Variants in TRAK1 observed in about 807,000 individuals in gnomAD.
The protein encoded by TRAK1 is trafficking kinesin protein 1, also known as trafficking kinesin-binding protein 1.
Under a neutral mutation model 92.1 loss-of-function variants are expected in TRAK1, and 33 were observed. That is an observed-to-expected ratio of 0.36 (90% CI 0.27 to 0.48). The LOEUF is 0.48. Among genes scored for constraint, TRAK1 ranks in the 20% least tolerant of loss-of-function variants. The pLI, the probability that TRAK1 is intolerant of heterozygous loss-of-function variation, is 0.99. For missense variants in TRAK1, 1,123 were observed against 1,257.9 expected (o/e 0.89, Z 1.62); for synonymous variants, 521 against 517.3 (o/e 1.01, Z -0.10).
chr3:42,102,470 T>C (rs1706914536), intron 1 of TRAK1, among the ~76,000 whole-genome samples: 1 of 152,202 alleles, frequency 6.6e-6, no homozygotes, highest in Admixed American at 6.5e-5. Context: ...GTGTTAAGGG[T>C]ATGGTACTGA....
At chr3:42,092,792 C>T (rs1705306578) in intron 1 of TRAK1, among the ~76,000 whole-genome samples, 1 of 135,754 alleles carries the variant, frequency 7.4e-6, no homozygotes, top group Admixed American at 7.5e-5. Flanking sequence ...CACTGTATTG[C>T]CCAGGCTGGT....
At chr3:42,213,041 A>G (rs1415921474) in intron 14 of TRAK1, among the ~76,000 whole-genome samples, 1 of 149,444 alleles carries the variant, frequency 6.7e-6, no homozygotes, top group African/African-American at 2.5e-5. Context: ...ACCATGTCCT[A>G]ATTGGAGCTG....
intron 14 of TRAK1, chr3:42,211,260 G>A (rs1199467475): frequency 1.0e-6 from 1 of 985,370 alleles, no homozygotes; most frequent in East Asian, 1.1e-4. Context: ...GACAGCTGTG[G>A]TCAAGGGATT....
chr3:42,191,012 T>C (rs1238803871), intron 6 of TRAK1, among the ~76,000 whole-genome samples: 1 of 152,148 alleles, frequency 6.6e-6, no homozygotes, highest in Non-Finnish European at 1.5e-5. Flanking sequence ...AGTCCTGGGG[T>C]GGCTCTTGTG....
At chr3:42,137,478 A>G (rs773519180) in intron 2 of TRAK1, among the ~76,000 whole-genome samples, 17 of 152,184 alleles carry the variant, frequency 1.1e-4, no homozygotes, top group Non-Finnish European at 2.2e-4. Flanking sequence ...GAATGTTTGG[A>G]AAATAACAAA....
At chr3:42,210,860 G>C in intron 14 of TRAK1, 3 of 977,206 alleles carry the variant, frequency 3.1e-6, no homozygotes, top group Non-Finnish European at 3.6e-6. Context: ...CTGTCCCCAA[G>C]CATTAAAGGT....
intron 2 of TRAK1, among the ~76,000 whole-genome samples, chr3:42,154,680 C>T (rs1700343668): frequency 6.6e-6 from 1 of 152,188 alleles, no homozygotes; most frequent in Admixed American, 6.5e-5. Context: ...ATCCTCCTGT[C>T]TCAGCCTCTC....
intron 2 of TRAK1, among the ~76,000 whole-genome samples, chr3:42,148,284 C>T (rs1037294001): frequency 3.3e-5 from 5 of 152,188 alleles, no homozygotes; most frequent in African/African-American, 4.8e-5. Flanking sequence ...AAACATCCTG[C>T]GATGCCCAGA....
chr3:42,099,494 T>C (rs994341538), intron 1 of TRAK1, among the ~76,000 whole-genome samples: 3 of 152,154 alleles, frequency 2.0e-5, no homozygotes, highest in African/African-American at 7.2e-5. Flanking sequence ...GATGGAACGT[T>C]TGCGTGGTAC....
rs1576252555 is a variant in TRAK1 at position 42,076,658 on chromosome 3, T to C, written c.-518-10446T>C. Among the ~76,000 whole-genome samples, 10 of 152,306 alleles carry C rather than the reference T, an allele frequency of 6.6e-5. 2 individuals are homozygous for C. Among genetic ancestry groups the C allele is most frequent in the Admixed American group, 6.5e-4 (10 of 15,296 alleles). On this transcript the variant is annotated intron_variant, in intron 1 of 16. Coordinates refer to the TRAK1 transcript ENST00000487159. Reference sequence around the variant, plus strand: ...ATTAGATCCCACTTACCAATTTTTGTTTTTTGTTGTAATTGGTTTTAGAGT... The same window carrying C: ...ATTAGATCCCACTTACCAATTTTTGCTTTTTGTTGTAATTGGTTTTAGAGT...
intron 2 of TRAK1, among the ~76,000 whole-genome samples, chr3:42,144,061 C>T (rs1453989327): frequency 6.6e-6 from 1 of 152,072 alleles, no homozygotes; most frequent in Non-Finnish European, 1.5e-5. Flanking sequence ...AAGCTGTGCT[C>T]AATAATGTGT....
At chr3:42,131,585 C>A (rs138201032) in intron 2 of TRAK1, among the ~76,000 whole-genome samples, 1 of 126,612 alleles carries the variant, frequency 7.9e-6, no homozygotes, top group East Asian at 2.4e-4. Context: ...GGCATGGTGG[C>A]GTGCACCTGT....
chr3:42,054,316 C>T (rs1381956460), intron 1 of TRAK1, among the ~76,000 whole-genome samples: 3 of 152,178 alleles, frequency 2.0e-5, no homozygotes, highest in Non-Finnish European at 4.4e-5. Context: ...CATGGTCCAC[C>T]CTGCTGTCCT....
intron 4 of TRAK1, 123 bp downstream of exon 4, chr3:42,184,924 C>A: frequency 1.1e-6 from 1 of 896,448 alleles, no homozygotes; most frequent in Non-Finnish European, 1.8e-6. Context: ...GGCACGACCG[C>A]GGCCTGAGCC....
Position 42,028,945 on chromosome 3 carries a change from A to G in TRAK1, c.-519+14828A>G, listed in dbSNP as rs1297811035. On this transcript the variant is annotated intron_variant, in intron 1 of 16. Coordinates refer to the TRAK1 transcript ENST00000487159. ...TAGGATTGGGTAATTTACAAAGAAA[A>G]GGTTTGATTGGCTCATGGTTCTACA... 2.6e-5 allele frequency among the ~76,000 whole-genome samples: 4 copies of G among 152,148 alleles called. No individual in the cohort carries two copies. The East Asian group carries it at 7.7e-4, about 29-fold the overall frequency.
At chr3:42,094,756 G>C (rs1056251693) in intron 1 of TRAK1, among the ~76,000 whole-genome samples, 9 of 152,204 alleles carry the variant, frequency 5.9e-5, no homozygotes, top group African/African-American at 1.9e-4. Context: ...AGAGCCAATA[G>C]GAGAAACATA....
At position 42,194,213 on chromosome 3, in the gene TRAK1, G is replaced by A. The variant is rs184410151; in HGVS notation, c.975+315G>A. 7.6e-4 allele frequency among the ~76,000 whole-genome samples: 116 copies of A among 152,230 alleles called. 1 individual carries two copies. Among genetic ancestry groups the A allele is most frequent in the Middle Eastern group, 6.8e-3 (2 of 294 alleles). On this transcript the variant is annotated intron_variant, in intron 9 of 15. Transcript: ENST00000327628. The stretch of plus-strand genomic sequence containing the variant: ...GAGAGGAATCTCACAGGTGTGGCTT[G>A]AAACATGGGTGTGACGATTTTCTTT...
chr3:42,206,676 A>G (rs1238916185), intron 13 of TRAK1, among the ~76,000 whole-genome samples: 1 of 152,224 alleles, frequency 6.6e-6, no homozygotes, highest in Admixed American at 6.5e-5. Context: ...CTGTTCTTAC[A>G]TGGGTGTTCT....
intron 2 of TRAK1, among the ~76,000 whole-genome samples, chr3:42,129,118 C>T (rs1051201682): frequency 4.6e-5 from 7 of 152,230 alleles, no homozygotes; most frequent in African/African-American, 1.7e-4. Flanking sequence ...ACTGGCAGAG[C>T]GTCACCAGAA....
Sources: gnomAD v4.1 joint callset for allele counts (sites outside exome capture counted in the v4.1 genomes callset) on GRCh38, gnomAD v4.1.1 for gene constraint, MANE v1.5 for transcripts, NCBI Gene and HGNC (gene_info 2026-07-23, HGNC 2026-07-21) for gene names.